The following NCAM2 variants were observed in gnomAD, a reference collection of about 807,000 sequenced individuals.
NCAM2 encodes the protein neural cell adhesion molecule 2, also known as N-CAM-2.
NCAM2 carries 30 observed loss-of-function variants against 98.1 expected under a neutral mutation model. The observed-to-expected ratio is 0.31, with a 90% CI of 0.23 to 0.41. The LOEUF is 0.41. Ranked by LOEUF, NCAM2 falls within the 10% of genes least tolerant of loss-of-function variation. The pLI is 1.00. For missense variants in NCAM2, 867 were observed against 1,005.8 expected (o/e 0.86, Z 1.87); for synonymous variants, 368 against 342.4 (o/e 1.07, Z -0.83).
intron 16 of NCAM2, among the ~76,000 whole-genome samples, chr21:21,511,344 G>C (rs1157146821): frequency 6.6e-6 from 1 of 151,780 alleles, no homozygotes; most frequent in East Asian, 1.9e-4. Flanking sequence ...AGTTTAAGTT[G>C]TTGTTGTTGC....
intron 15 of NCAM2, among the ~76,000 whole-genome samples, chr21:21,486,176 C>T (rs970786478): frequency 4.0e-5 from 6 of 151,608 alleles, no homozygotes; most frequent in East Asian, 1.9e-4. Context: ...TGGTGGCGGG[C>T]GCCTGTAGTC....
At chr21:21,499,656 A>G (rs1487806329) in intron 15 of NCAM2, among the ~76,000 whole-genome samples, 2 of 152,216 alleles carry the variant, frequency 1.3e-5, no homozygotes, top group African/African-American at 4.8e-5. Flanking sequence ...AACAAGTAAC[A>G]AGAAGCTACT....
At chr21:21,461,235 A>C (rs1281799883) in intron 12 of NCAM2, among the ~76,000 whole-genome samples, 1 of 151,952 alleles carries the variant, frequency 6.6e-6, no homozygotes, top group Non-Finnish European at 1.5e-5. Flanking sequence ...GAAAAATACT[A>C]TAAATTGTTT....
intron 1 of NCAM2, among the ~76,000 whole-genome samples, chr21:21,017,907 T>C: frequency 6.6e-6 from 1 of 152,308 alleles, no homozygotes; most frequent in East Asian, 1.9e-4. Flanking sequence ...AGATATTACA[T>C]ATATATGCAT....
At chr21:21,059,876 A>G (rs749910968) in intron 1 of NCAM2, among the ~76,000 whole-genome samples, 3 of 152,090 alleles carry the variant, frequency 2.0e-5, no homozygotes, top group Non-Finnish European at 4.4e-5. Flanking sequence ...ACGAAGTGCA[A>G]AATATTAATA....
At chr21:21,362,261 T>A (rs2075665070) in intron 8 of NCAM2, among the ~76,000 whole-genome samples, 1 of 152,306 alleles carries the variant, frequency 6.6e-6, no homozygotes, top group South Asian at 2.1e-4. Flanking sequence ...ACAAGCCATA[T>A]AATATAAATG....
intron 1 of NCAM2, among the ~76,000 whole-genome samples, chr21:21,013,129 A>G (rs2064240544): frequency 6.6e-6 from 1 of 152,170 alleles, no homozygotes; most frequent in Admixed American, 6.5e-5. Flanking sequence ...CTCCCTTAAA[A>G]TCAAAAGTTA....
At chr21:21,167,803 A>G (rs774163944) in intron 1 of NCAM2, among the ~76,000 whole-genome samples, 157 of 152,322 alleles carry the variant, frequency 1.0e-3, no homozygotes, top group Middle Eastern at 6.8e-3. Flanking sequence ...CTTATTAAAT[A>G]AATTGAATCC....
intron 9 of NCAM2, among the ~76,000 whole-genome samples, chr21:21,409,640 T>C (rs1427968200): frequency 1.3e-5 from 2 of 152,210 alleles, no homozygotes; most frequent in Non-Finnish European, 2.9e-5. Context: ...CACAAGTAGA[T>C]AGTCATTAAC....
chr21:21,018,344 G>A (rs1186555322), intron 1 of NCAM2, among the ~76,000 whole-genome samples: 1 of 152,110 alleles, frequency 6.6e-6, no homozygotes, highest in Admixed American at 6.5e-5. Flanking sequence ...TCCAGCTCAG[G>A]GACTGTAATT....
intron 17 of NCAM2, 37 bp from the exon 18 acceptor site, chr21:21,537,809 C>T (rs1474500095): frequency 1.3e-5 from 15 of 1,129,904 alleles, no homozygotes; most frequent in Non-Finnish European, 1.7e-5. Flanking sequence ...TCCTTAAATA[C>T]CTCAGAAAAT....
At chr21:21,206,255 A>T (rs770725894) in intron 1 of NCAM2, among the ~76,000 whole-genome samples, 1 of 152,186 alleles carries the variant, frequency 6.6e-6, no homozygotes, top group Non-Finnish European at 1.5e-5. Context: ...TTTTGTAATA[A>T]TAAATTCACC....
intron 12 of NCAM2, among the ~76,000 whole-genome samples, chr21:21,452,988 T>TTA (rs549752026): frequency 0.011 from 981 of 90,018 alleles, 24 homozygotes; most frequent in African/African-American, 0.045. Flanking sequence ...ATATTATATA[T>TTA]TATATTATAT....
chr21:21,062,820 T>G (rs900001598), intron 1 of NCAM2, among the ~76,000 whole-genome samples: 1 of 152,200 alleles, frequency 6.6e-6, no homozygotes, highest in African/African-American at 2.4e-5. Context: ...ATTCCTAAGT[T>G]TATCAGCATT....
intron 1 of NCAM2, among the ~76,000 whole-genome samples, chr21:21,185,128 GA>G (rs1211640357): frequency 6.6e-6 from 1 of 152,146 alleles, no homozygotes; most frequent in Non-Finnish European, 1.5e-5. Flanking sequence ...CTGCAGTTAT[GA>G]AATAAAATCT....
intron 12 of NCAM2, among the ~76,000 whole-genome samples, chr21:21,442,991 G>A (rs2146088884): frequency 6.6e-6 from 1 of 152,192 alleles, no homozygotes; most frequent in African/African-American, 2.4e-5. Flanking sequence ...AAATTTTCCT[G>A]CTTTCTCTTG....
rs200947354 is a variant in NCAM2 at position 21,459,433 on chromosome 21, CAT to C, written c.1655-7170_1655-7169del. 3.2e-3 allele frequency among the ~76,000 whole-genome samples: 474 copies of C among 148,128 alleles called. 3 individuals are homozygous for C. Among genetic ancestry groups the C allele is most frequent in the African/African-American group, 0.011 (439 of 40,032 alleles). On this transcript the variant is annotated intron_variant, in intron 12 of 17. Coordinates refer to ENST00000400546, the MANE Select transcript of NCAM2 (RefSeq NM_004540.5). Reference sequence around the variant, plus strand: ...ATATGTATATACACACACACACACACATATGCCATATTTATAATATATATAAT... The same window carrying C: ...ATATGTATATACACACACACACACACATGCCATATTTATAATATATATAAT...
At position 21,467,428 on chromosome 21, in the gene NCAM2, T is replaced by TATATATATATA. The variant is rs1555902035; in HGVS notation, c.1774+703_1774+704insATATATATATA. ...TGTATATGTGTATATATATATCTTT[T>TATATATATATA]TATATATATATATATGTTAGGACAG... is the stretch of plus-strand genomic sequence containing the variant. On this transcript the variant is annotated intron_variant, in intron 13 of 17. Coordinates refer to ENST00000400546, the MANE Select transcript of NCAM2 (RefSeq NM_004540.5). Among the ~76,000 whole-genome samples, 375 of 140,704 alleles carry TATATATATATA rather than the reference T, an allele frequency of 2.7e-3. 3 individuals are homozygous for TATATATATATA. The highest frequency in any genetic ancestry group is 1.0e-2 in the African/African-American group (360 of 36,014). 92.3% of individuals were successfully genotyped at this position (140,704 alleles called of 152,430 possible).
chr21:21,200,235 C>G (rs2069159441), intron 1 of NCAM2, among the ~76,000 whole-genome samples: 1 of 151,964 alleles, frequency 6.6e-6, no homozygotes, highest in African/African-American at 2.4e-5. Flanking sequence ...GATAGAAATG[C>G]ACTTTGAAAA....
Sources: gnomAD v4.1 joint callset for allele counts (sites outside exome capture counted in the v4.1 genomes callset) on GRCh38, gnomAD v4.1.1 for gene constraint, MANE v1.5 for transcripts, NCBI Gene and HGNC (gene_info 2026-07-23, HGNC 2026-07-21) for gene names.